The following SLC9A4 variants were observed in gnomAD, a reference collection of about 807,000 sequenced individuals.
The protein encoded by SLC9A4 is solute carrier family 9 member A4, also known as sodium/hydrogen exchanger 4.
Under a neutral mutation model 67.4 loss-of-function variants are expected in SLC9A4, and 63 were observed. The ratio of observed to expected loss-of-function variants is 0.93; its 90% CI spans 0.76 to 1.15. The LOEUF (loss-of-function observed/expected upper bound fraction) is 1.15. Ranked by LOEUF, SLC9A4 falls within the 50% of genes most tolerant of loss-of-function variation. SLC9A4 has a pLI of 0.00. For synonymous variants in SLC9A4, 393 were observed against 367.2 expected (o/e 1.07, Z -0.80); for missense variants, 1,089 against 987.7 (o/e 1.10, Z -1.38).
chr2:102,495,270 C>T (rs905561110), intron 2 of SLC9A4, among the ~76,000 whole-genome samples: 3 of 151,954 alleles, frequency 2.0e-5, no homozygotes, highest in Admixed American at 1.3e-4. Flanking sequence ...TTTTAAATAA[C>T]ATTAAAAAGT....
intron 2 of SLC9A4, among the ~76,000 whole-genome samples, chr2:102,482,414 C>T (rs1684485259): frequency 1.3e-5 from 2 of 152,276 alleles, no homozygotes; most frequent in Middle Eastern, 3.4e-3. Context: ...GATGATACGC[C>T]TAGAACAAGG....
chr2:102,492,698 A>G (rs1334982399), intron 2 of SLC9A4, among the ~76,000 whole-genome samples: 2 of 152,152 alleles, frequency 1.3e-5, no homozygotes, highest in African/African-American at 2.4e-5. Context: ...TATGTCCTGG[A>G]GACCCTGGAG....
At chr2:102,518,314 T>G (rs1192627516) in intron 8 of SLC9A4, among the ~76,000 whole-genome samples, 1 of 152,224 alleles carries the variant, frequency 6.6e-6, no homozygotes, top group Non-Finnish European at 1.5e-5. Flanking sequence ...AATGAACACA[T>G]AAATGGAACT....
intron 2 of SLC9A4, among the ~76,000 whole-genome samples, chr2:102,486,319 G>A (rs959218952): frequency 1.3e-5 from 2 of 152,134 alleles, no homozygotes. Flanking sequence ...AAAATAGCAC[G>A]TGGCACAGAG....
At chr2:102,522,618 C>G (rs1685451983) in intron 9 of SLC9A4, among the ~76,000 whole-genome samples, 2 of 148,552 alleles carry the variant, frequency 1.3e-5, no homozygotes, top group Admixed American at 6.7e-5. Flanking sequence ...TACAAACATG[C>G]ACACACACAC....
intron 1 of SLC9A4, among the ~76,000 whole-genome samples, chr2:102,474,247 G>A (rs62151904): frequency 0.072 from 10,904 of 152,092 alleles, 526 homozygotes; most frequent in Middle Eastern, 0.23. Context: ...GGGCTGTGTT[G>A]GTTTCTTCTC....
chr2:102,480,651 G>A (rs534768599), intron 2 of SLC9A4, among the ~76,000 whole-genome samples: 2 of 152,064 alleles, frequency 1.3e-5, no homozygotes, highest in African/African-American at 4.8e-5. Context: ...TTTACATGAT[G>A]TTTTCTTAGA....
At chr2:102,483,839 T>TACACACACACACAC (rs1391182060) in intron 2 of SLC9A4, among the ~76,000 whole-genome samples, 17 of 127,930 alleles carry the variant, frequency 1.3e-4, no homozygotes, top group African/African-American at 4.9e-4. Context: ...TATATATATA[T>TACACACACACACAC]ATACACACAC....
rs539069179 is a variant in SLC9A4, at chr2:102,484,872, T to C, written c.720+5570T>C. Among the ~76,000 whole-genome samples the C allele has an allele frequency of 5.9e-5, 9 of 152,200 alleles. No individual in the cohort carries two copies. The South Asian group carries it at 1.9e-3, about 32-fold the overall frequency. On this transcript the variant is annotated intron_variant, in intron 2 of 11. Transcript: ENST00000295269. ...TGACTGCCACCCGGTACTTCCCCTT[T>C]TCCTCATCCCTCTCTCCCCTCCTAC...
At chr2:102,507,472 C>G (rs1015456564) in intron 4 of SLC9A4, among the ~76,000 whole-genome samples, 2 of 152,108 alleles carry the variant, frequency 1.3e-5, no homozygotes, top group African/African-American at 2.4e-5. Flanking sequence ...GCAAGCTCTT[C>G]CACCCTAAAC....
chr2:102,532,253 C>A, intron 11 of SLC9A4, 77 bp from the exon 12 acceptor site: 1 of 1,457,882 alleles, frequency 6.9e-7, no homozygotes, highest in East Asian at 2.3e-5. Flanking sequence ...ACTCTGAGTT[C>A]CTGCCATGTG....
chr2:102,514,370 T>A (rs1280306417), intron 8 of SLC9A4, 119 bp downstream of exon 8: 5 of 628,566 alleles, frequency 8.0e-6, no homozygotes, highest in African/African-American at 5.7e-5. Context: ...AAGAAGAAAT[T>A]ATTTTTAAAA....
chr2:102,485,152 G>C (rs567902027), intron 2 of SLC9A4, among the ~76,000 whole-genome samples: 1 of 152,160 alleles, frequency 6.6e-6, no homozygotes, highest in Non-Finnish European at 1.5e-5. Flanking sequence ...CGGTCCTTCA[G>C]GCCTCTTGGG....
chr2:102,519,935 A>G lies in SLC9A4; in HGVS notation c.1798A>G (p.Met600Val), dbSNP rs1266124092. 1.9e-6 allele frequency: 3 copies of G among 1,613,496 alleles called. No homozygotes were observed. The highest frequency in any genetic ancestry group is 1.3e-5 in the African/African-American group (1 of 74,886). ...ESIRDILTSN[M>V]YQVRQRTLSY... ...CATAAGGGACATTCTGACATCCAAC[A>G]TGTACCAAGTTCGGCAAAGGGTGTG... The change falls in exon 9 of 12, where the codon ATG (methionine) becomes GTG (valine). Residue 600 changes from methionine (M) to valine (V), a missense_variant. By Grantham distance (21) the Met-to-Val change is conservative. Transcript: ENST00000295269.
At chr2:102,495,523 G>A (rs1489910158) in intron 2 of SLC9A4, among the ~76,000 whole-genome samples, 1 of 152,016 alleles carries the variant, frequency 6.6e-6, no homozygotes, top group African/African-American at 2.4e-5. Flanking sequence ...CTAAAAATCT[G>A]TTTGGAAATG....
rs1350736199 is a variant in SLC9A4, at chr2:102,505,346, T to C, written c.1073T>C (p.Leu358Pro). The change falls in exon 4 of 12, where the codon CTG (leucine) becomes CCG (proline). Residue 358 changes from leucine (L) to proline (P), a missense_variant. Coordinates refer to ENST00000295269, the MANE Select transcript of SLC9A4 (RefSeq NM_001011552.4). ...ACCATCAAGTACTTCATGAAGATGC[T>C]GAGCAGCGTCAGCGAGACCTTGATC... is the stretch of plus-strand genomic sequence containing the variant. Reference protein sequence around the residue: ...YTTIKYFMKMLSSVSETLIFI... With the variant: ...YTTIKYFMKMPSSVSETLIFI... The C allele has an allele frequency of 5.0e-6, 8 of 1,614,246 alleles. No individual in the cohort carries two copies. In the South Asian group the frequency reaches 6.6e-5, roughly 13 times the overall value.
chr2:102,495,535 G>T (rs1558663542), intron 2 of SLC9A4, among the ~76,000 whole-genome samples: 1 of 152,070 alleles, frequency 6.6e-6, no homozygotes, highest in Non-Finnish European at 1.5e-5. Flanking sequence ...TTGGAAATGT[G>T]AATGACCTAG....
At chr2:102,520,976 A>T (rs1444902766) in intron 9 of SLC9A4, among the ~76,000 whole-genome samples, 1 of 152,250 alleles carries the variant, frequency 6.6e-6, no homozygotes, top group Non-Finnish European at 1.5e-5. Context: ...CACCAGCTGG[A>T]GGAATACAGG....
At chr2:102,500,810 T>C (rs1489141515) in intron 2 of SLC9A4, among the ~76,000 whole-genome samples, 1 of 152,098 alleles carries the variant, frequency 6.6e-6, no homozygotes, top group African/African-American at 2.4e-5. Flanking sequence ...ACGTGAGGCA[T>C]TCTTTAGAAG....
Sources: allele counts gnomAD v4.1 joint callset (sites outside exome capture counted in the v4.1 genomes callset), GRCh38; gene constraint gnomAD v4.1.1; transcripts MANE v1.5; gene names NCBI Gene and HGNC (gene_info 2026-07-23, HGNC 2026-07-21).